HERC4: variants seen among roughly 807,000 people sequenced by gnomAD.
HERC4 encodes the protein HECT and RLD domain containing E3 ubiquitin protein ligase 4.
In HERC4, 28 loss-of-function variants were observed where a neutral mutation model predicts 124.3. That is an observed-to-expected ratio of 0.23 (90% CI 0.17 to 0.31). The LOEUF is 0.31. Ranked by LOEUF, HERC4 falls within the 10% of genes least tolerant of loss-of-function variation. The pLI is 1.00. For missense variants in HERC4, 713 were observed against 1,229.3 expected (o/e 0.58, Z 6.28); for synonymous variants, 407 against 421.5 (o/e 0.97, Z 0.42).
chr10:67,934,570 A>C (rs1341582861), intron 22 of HERC4, among the ~76,000 whole-genome samples: 3 of 152,178 alleles, frequency 2.0e-5, no homozygotes, highest in Admixed American at 6.6e-5. Flanking sequence ...TAGACAGAAC[A>C]CATCCTCCAG....
At chr10:68,061,649 C>T (rs142184691) in intron 3 of HERC4, among the ~76,000 whole-genome samples, 14 of 149,648 alleles carry the variant, frequency 9.4e-5, no homozygotes, top group African/African-American at 3.4e-4. Flanking sequence ...GAGGCAGAGA[C>T]GGGCAGATCA....
At position 68,045,218 on chromosome 10, in the gene HERC4, G is replaced by A. The variant is rs370684836; in HGVS notation, c.227-655C>T. 3.3e-5 allele frequency among the ~76,000 whole-genome samples: 5 copies of A among 152,266 alleles called. No homozygotes were observed. In the East Asian group the frequency reaches 9.6e-4, roughly 29 times the overall value. Reference sequence around the variant, plus strand: ...CACGCCTGTGATCCCAGCTATTCGGGAGGCTGAAACAGGAGACTCGCTTGA... The same window carrying A: ...CACGCCTGTGATCCCAGCTATTCGGAAGGCTGAAACAGGAGACTCGCTTGA... On this transcript the variant is annotated intron_variant, in intron 3 of 24. Coordinates refer to ENST00000373700, the MANE Select transcript of HERC4 (RefSeq NM_015601.4).
chr10:67,927,311 A>G (rs1045331925), intron 23 of HERC4, among the ~76,000 whole-genome samples: 2 of 150,036 alleles, frequency 1.3e-5, no homozygotes, highest in African/African-American at 2.5e-5. Flanking sequence ...GCTCCAAATC[A>G]TAATCACTAA....
chr10:68,074,503 G>C (rs949017069), intron 1 of HERC4: 1 of 152,178 alleles, frequency 6.6e-6, no homozygotes, highest in Admixed American at 6.5e-5. Flanking sequence ...AGCGCGCGAG[G>C]TTTAACCACC....
intron 9 of HERC4, among the ~76,000 whole-genome samples, chr10:68,009,876 T>C (rs2037832103): frequency 6.6e-6 from 1 of 152,210 alleles, no homozygotes; most frequent in African/African-American, 2.4e-5. Context: ...GTAGGTTCCA[T>C]CTCAAGAAAA....
chr10:68,003,795 A>G (rs1312148199), intron 9 of HERC4, among the ~76,000 whole-genome samples: 1 of 152,190 alleles, frequency 6.6e-6, no homozygotes, highest in Admixed American at 6.5e-5. Context: ...AATACTGGCT[A>G]TTATGAATAG....
chr10:68,010,171 T>C, intron 9 of HERC4: 1 of 1,008,934 alleles, frequency 9.9e-7, no homozygotes, highest in Non-Finnish European at 1.5e-6. Context: ...TTCCGCCCTC[T>C]CCCTGTATCC....
chr10:67,986,138 G>A (rs1315604303), intron 15 of HERC4, among the ~76,000 whole-genome samples: 1 of 152,144 alleles, frequency 6.6e-6, no homozygotes, highest in Non-Finnish European at 1.5e-5. Context: ...AGGCATAGAA[G>A]AAAGATAATT....
At chr10:67,927,991 A>G (rs1286016047) in intron 23 of HERC4, among the ~76,000 whole-genome samples, 1 of 152,168 alleles carries the variant, frequency 6.6e-6, no homozygotes, top group Non-Finnish European at 1.5e-5. Context: ...GAGGTTTGCA[A>G]TTTTAGATCA....
intron 23 of HERC4, among the ~76,000 whole-genome samples, chr10:67,926,383 G>C (rs1209645165): frequency 6.7e-6 from 1 of 149,134 alleles, no homozygotes; most frequent in Non-Finnish European, 1.5e-5. Flanking sequence ...GTCAACAAGA[G>C]CGAAACTCCA....
chr10:68,031,969 C>T (rs538484293), intron 7 of HERC4, among the ~76,000 whole-genome samples: 1 of 152,262 alleles, frequency 6.6e-6, no homozygotes, highest in Admixed American at 6.5e-5. Context: ...CCAGGCTGGT[C>T]TTGAAGTCCT....
chr10:67,949,475 C>G (rs1167815434), intron 19 of HERC4, among the ~76,000 whole-genome samples: 2 of 152,084 alleles, frequency 1.3e-5, no homozygotes, highest in South Asian at 4.1e-4. Flanking sequence ...ACCTTGCACA[C>G]GCACCCCAAA....
intron 19 of HERC4, among the ~76,000 whole-genome samples, chr10:67,946,306 C>T (rs1223312258): frequency 6.7e-6 from 1 of 148,846 alleles, no homozygotes; most frequent in South Asian, 2.1e-4. Flanking sequence ...GGACTAAACT[C>T]TCCAATCAAA....
rs1051992134 is a variant in HERC4, at chr10:67,996,316, C to T, written c.1070-3634G>A. Reference sequence around the variant, plus strand: ...AATTTTGAAGACCTTGAAATAGACACCCCCCCTGCCCCACAAGAAACAGTC... The same window carrying T: ...AATTTTGAAGACCTTGAAATAGACATCCCCCCTGCCCCACAAGAAACAGTC... On this transcript the variant is annotated intron_variant, in intron 9 of 24. Transcript: ENST00000373700. Among the ~76,000 whole-genome samples, 11 of 5,950 alleles carry T rather than the reference C, an allele frequency of 1.8e-3. No homozygotes were observed. The South Asian group carries it at 0.4, about 216-fold the overall frequency. The allele number at this position is 5,950 out of a possible 152,430, so 3.9% of individuals were successfully genotyped here. A position where few individuals can be genotyped will look rare whatever the true frequency, so the allele number is the denominator to read the frequency against.
chr10:68,024,776 G>T (rs564985639), intron 8 of HERC4, among the ~76,000 whole-genome samples: 4 of 152,284 alleles, frequency 2.6e-5, no homozygotes, highest in Admixed American at 1.3e-4. Flanking sequence ...GGTACATTTT[G>T]CTACTTGGGA....
chr10:68,045,977 C>G (rs1443448224), intron 3 of HERC4, among the ~76,000 whole-genome samples: 1 of 152,058 alleles, frequency 6.6e-6, no homozygotes, highest in Non-Finnish European at 1.5e-5. Context: ...ACCTGCACAA[C>G]TCTAATGATG....
chr10:68,044,507 G>A lies in HERC4; in HGVS notation c.283C>T (p.His95Tyr). ...NIVAVSCGEA[H>Y]TLALNDKGQV... Reference sequence around the variant, plus strand: ...CCTTTGTCATTTAGCGCTAACGTATGAGCTTCTCCACATGAAACAGCTACA... The same window carrying A: ...CCTTTGTCATTTAGCGCTAACGTATAAGCTTCTCCACATGAAACAGCTACA... The change falls in exon 4 of 25, where the codon CAT becomes TAT. Residue 95 changes from histidine to tyrosine, a missense_variant. By Grantham distance (83) the His-to-Tyr change is moderately conservative (BLOSUM62 2). Transcript: ENST00000373700. The A allele has an allele frequency of 6.2e-7, 1 of 1,614,054 alleles. No individual in the cohort carries two copies. Among genetic ancestry groups the A allele is most frequent in the Non-Finnish European group, 8.5e-7 (1 of 1,180,018 alleles).
intron 6 of HERC4, among the ~76,000 whole-genome samples, chr10:68,033,266 A>C (rs1044041983): frequency 6.6e-6 from 1 of 152,226 alleles, no homozygotes; most frequent in African/African-American, 2.4e-5. Context: ...CAGAAAAGAT[A>C]CATGATATCC....
chr10:68,038,051 G>A, intron 5 of HERC4, 42 bp downstream of exon 5: 1 of 1,091,508 alleles, frequency 9.2e-7, no homozygotes, highest in Non-Finnish European at 1.3e-6. Flanking sequence ...AAAGTATCAA[G>A]TAATAAAACT....
Sources: allele counts gnomAD v4.1 joint callset (sites outside exome capture counted in the v4.1 genomes callset), GRCh38; gene constraint gnomAD v4.1.1; transcripts MANE v1.5; gene names NCBI Gene and HGNC (gene_info 2026-07-23, HGNC 2026-07-21).